SLC39A12: variants seen among roughly 807,000 people sequenced by gnomAD.
SLC39A12 encodes the protein solute carrier family 39 member 12, also known as zinc transporter ZIP12.
SLC39A12 carries 63 observed loss-of-function variants against 71.1 expected under a neutral mutation model. The observed-to-expected ratio is 0.89, with a 90% CI of 0.72 to 1.09. The LOEUF is 1.09. Ranked by LOEUF, SLC39A12 falls within the 50% of genes least tolerant of loss-of-function variation. SLC39A12 has a pLI of 0.00. For missense variants in SLC39A12, 892 were observed against 812.6 expected (o/e 1.10, Z -1.19); for synonymous variants, 351 against 301.3 (o/e 1.16, Z -1.71).
chr10:18,037,736 C>A (rs1837097421), intron 12 of SLC39A12, among the ~76,000 whole-genome samples: 1 of 152,066 alleles, frequency 6.6e-6, no homozygotes, highest in Non-Finnish European at 1.5e-5. Context: ...CTAGAAGGCA[C>A]AGCTAGGCCA....
chr10:18,031,258 C>T (rs1476219875), intron 12 of SLC39A12, among the ~76,000 whole-genome samples: 2 of 143,106 alleles, frequency 1.4e-5, no homozygotes, highest in Non-Finnish European at 3.1e-5. Context: ...GTTTACAGTC[C>T]CACCAACAGT....
In SLC39A12 at chr10:17,977,913, C is replaced by T. The variant is rs139097682; in HGVS notation, c.763C>T (p.Leu255Phe). 4.4e-6 allele frequency: 7 copies of T among 1,588,832 alleles called. No homozygotes were observed. Among genetic ancestry groups the T allele is most frequent in the Non-Finnish European group, 6.0e-6 (7 of 1,171,684 alleles). ...NTLRLSELDQLLNTLWTRSTC... is the reference protein window; with the variant it reads ...NTLRLSELDQFLNTLWTRSTC... ...TATGAAATTTCTAGAACTAGACCAACTCCTCAACACTCTCTGGACCAGAAG... is the reference window on the plus strand; with the variant it reads ...TATGAAATTTCTAGAACTAGACCAATTCCTCAACACTCTCTGGACCAGAAG... Residue 255 changes from leucine (L) to phenylalanine (F), a missense_variant, in exon 5 of 13, where the codon CTC becomes TTC. Coordinates refer to ENST00000377369, the MANE Select transcript of SLC39A12 (RefSeq NM_001145195.2).
At chr10:18,036,341 A>C (rs1040515778) in intron 12 of SLC39A12, among the ~76,000 whole-genome samples, 2 of 152,106 alleles carry the variant, frequency 1.3e-5, no homozygotes, top group African/African-American at 4.8e-5. Flanking sequence ...TGTGGGATAT[A>C]ATCTCGTGGT....
At chr10:17,965,178 G>T (rs1412275660) in intron 3 of SLC39A12, among the ~76,000 whole-genome samples, 1 of 151,766 alleles carries the variant, frequency 6.6e-6, no homozygotes, top group Non-Finnish European at 1.5e-5. Flanking sequence ...CTTTACTCCA[G>T]CCTGGGCAGC....
chr10:17,958,008 C>T (rs1834592197), intron 2 of SLC39A12, among the ~76,000 whole-genome samples: 2 of 152,188 alleles, frequency 1.3e-5, no homozygotes, highest in Admixed American at 1.3e-4. Flanking sequence ...GATGCTTCTA[C>T]AGCTGTTTCA....
chr10:18,000,915 C>A, intron 11 of SLC39A12, 90 bp downstream of exon 11: 1 of 1,243,122 alleles, frequency 8.0e-7, no homozygotes, highest in Non-Finnish European at 1.1e-6. Context: ...CTTTTTCTAA[C>A]CTATGACTTA....
intron 2 of SLC39A12, among the ~76,000 whole-genome samples, chr10:17,955,558 G>A (rs1415352454): frequency 6.6e-6 from 1 of 152,182 alleles, no homozygotes; most frequent in East Asian, 1.9e-4. Context: ...GAGGGACTTT[G>A]TCTGCTGACA....
intron 12 of SLC39A12, among the ~76,000 whole-genome samples, chr10:18,033,411 C>T (rs1182082847): frequency 1.3e-5 from 2 of 151,396 alleles, no homozygotes; most frequent in African/African-American, 2.4e-5. Context: ...TTATCCATTT[C>T]TTCTAGATTT....
chr10:17,981,257 G>T (rs1835249020), intron 5 of SLC39A12, 55 bp from the exon 6 acceptor site: 2 of 1,472,880 alleles, frequency 1.4e-6, no homozygotes, highest in Non-Finnish European at 1.8e-6. Flanking sequence ...AACTGGTGGA[G>T]AATCTAGTTT....
chr10:17,953,326 T>C lies in SLC39A12; in HGVS notation c.50T>C (p.Leu17Pro), dbSNP rs921945489. ...LSVSWVPLFL[L>P]LSRVFSTETD... ...GTATCCTGGGTGCCATTGTTTCTTC[T>C]ACTCAGCCGTGTTTTTTCTACTGAG... The change falls in exon 2 of 13, where the codon CTA becomes CCA. Residue 17 changes from leucine (L) to proline (P), a missense_variant. By Grantham distance (98) the Leu-to-Pro change is moderately conservative. Coordinates refer to ENST00000377369, the MANE Select transcript of SLC39A12 (RefSeq NM_001145195.2). 1 of 1,614,228 alleles carries C rather than the reference T, an allele frequency of 6.2e-7. No individual in the cohort carries two copies. Among genetic ancestry groups the C allele is most frequent in the Non-Finnish European group, 8.5e-7 (1 of 1,180,036 alleles).
At chr10:18,039,867 T>A (rs758000345) in intron 12 of SLC39A12, among the ~76,000 whole-genome samples, 40 of 152,346 alleles carry the variant, frequency 2.6e-4, no homozygotes, top group Non-Finnish European at 4.3e-4. Context: ...AATTCTGCCA[T>A]GTCCACTGTG....
At chr10:17,996,068 G>C (rs1564650735) in intron 10 of SLC39A12, among the ~76,000 whole-genome samples, 1 of 152,190 alleles carries the variant, frequency 6.6e-6, no homozygotes, top group Non-Finnish European at 1.5e-5. Context: ...TCACTGTGAA[G>C]TATGGATATA....
At chr10:17,985,970 A>C (rs367865220) in intron 6 of SLC39A12, among the ~76,000 whole-genome samples, 4 of 152,184 alleles carry the variant, frequency 2.6e-5, no homozygotes, top group Admixed American at 1.3e-4. Context: ...TTCACCAATA[A>C]CAACACTCAT....
rs544834115 is a variant in SLC39A12, at chr10:17,986,135, C to T, written c.1097-1344C>T. On this transcript the variant is annotated intron_variant, in intron 6 of 12. Coordinates refer to ENST00000377369, the MANE Select transcript of SLC39A12 (RefSeq NM_001145195.2). ...CTTCCTATGTAACAGCTAGTCTTTTCGCCTTTGAGAAGCTTAAGATATGAT... is the reference window on the plus strand; with the variant it reads ...CTTCCTATGTAACAGCTAGTCTTTTTGCCTTTGAGAAGCTTAAGATATGAT... 8.1e-4 allele frequency among the ~76,000 whole-genome samples: 124 copies of T among 152,256 alleles called. 1 individual carries two copies. The Middle Eastern group carries it at 0.014, about 17-fold the overall frequency.
intron 12 of SLC39A12, among the ~76,000 whole-genome samples, chr10:18,019,851 G>A (rs11498221): frequency 0.045 from 6,818 of 152,060 alleles, 534 homozygotes; most frequent in African/African-American, 0.16. Flanking sequence ...AATGTTCCAC[G>A]TGAGCTGGGG....
At chr10:17,967,964 T>G (rs1176555320) in intron 4 of SLC39A12, among the ~76,000 whole-genome samples, 4 of 150,854 alleles carry the variant, frequency 2.7e-5, no homozygotes, top group African/African-American at 9.7e-5. Context: ...TTTGTTGTTA[T>G]GTTTATACCT....
chr10:18,022,062 T>C (rs2488118), intron 12 of SLC39A12, among the ~76,000 whole-genome samples: 114,846 of 152,106 alleles, frequency 0.76, 44,321 homozygotes, highest in African/African-American at 0.91. Flanking sequence ...TTTTCTTTTG[T>C]GTTGACCTTG....
intron 8 of SLC39A12, among the ~76,000 whole-genome samples, chr10:17,991,682 T>C (rs1335524874): frequency 6.6e-6 from 1 of 152,208 alleles, no homozygotes; most frequent in Admixed American, 6.5e-5. Context: ...TAATTTTCTG[T>C]CTTAAAGGCA....
intron 4 of SLC39A12, 103 bp from the exon 5 acceptor site, chr10:17,977,799 A>G: frequency 1.1e-6 from 1 of 899,842 alleles, no homozygotes; most frequent in East Asian, 2.9e-5. Context: ...AAAAATGATA[A>G]GAATTCTTTG....
Sources: allele counts gnomAD v4.1 joint callset (sites outside exome capture counted in the v4.1 genomes callset), GRCh38; gene constraint gnomAD v4.1.1; transcripts MANE v1.5; gene names NCBI Gene and HGNC (gene_info 2026-07-23, HGNC 2026-07-21).